Variants in AMELY observed in about 807,000 individuals in gnomAD.
AMELY encodes the protein amelogenin, Y isoform.
A neutral mutation model predicts 4.2 loss-of-function variants in AMELY; 4 were observed. The ratio of observed to expected loss-of-function variants is 0.96; its 90% CI spans 0.47 to 2.19. The LOEUF (loss-of-function observed/expected upper bound fraction) is 2.19, where lower values mean the gene tolerates loss of function less well. Ranked by LOEUF, AMELY falls within the 30% of genes most tolerant of loss-of-function variation. The pLI is 0.02. For synonymous variants in AMELY, 11 were observed against 14.7 expected, an observed-to-expected ratio of 0.75 and a Z score of 0.57; for missense variants, 32 against 41.5, an observed-to-expected ratio of 0.77 and a Z score of 0.63.
At chrY:6,885,876 G>C in intron 1 of AMELY, among the ~76,000 whole-genome samples, 1 of 34,261 alleles carries the variant, frequency 2.9e-5, no homozygotes, top group Non-Finnish European at 7.3e-5. Context: ...ACTTGATGTT[G>C]GAAGGTGGCA....
chrY:6,910,969 C>G, intron 1 of AMELY: 1 of 37,310 alleles, frequency 2.7e-5, no homozygotes, highest in African/African-American at 1.1e-4. Context: ...CACAGTTGCG[C>G]TGCTAGCGAC....
chrY:6,883,482 C>G (rs2054076593), intron 1 of AMELY, among the ~76,000 whole-genome samples: 1 of 32,417 alleles, frequency 3.1e-5, no homozygotes, highest in Non-Finnish European at 7.5e-5. Flanking sequence ...GGAGAAATAT[C>G]TAATGTAGGT....
At chrY:6,899,034 T>C in intron 1 of AMELY, among the ~76,000 whole-genome samples, 6 of 33,776 alleles carry the variant, frequency 1.8e-4, no homozygotes, top group Admixed American at 5.5e-4. Flanking sequence ...CTTCCTTTGC[T>C]GACTAGTTTC....
intron 1 of AMELY, among the ~76,000 whole-genome samples, chrY:6,883,517 C>T: frequency 3.1e-5 from 1 of 32,209 alleles, no homozygotes; most frequent in African/African-American, 1.2e-4. Context: ...TGCAAAAAAC[C>T]ATCGTGACAC....
intron 1 of AMELY, among the ~76,000 whole-genome samples, chrY:6,897,495 G>A (rs547896596): frequency 6.3e-5 from 2 of 31,668 alleles, no homozygotes; most frequent in African/African-American, 2.5e-4. Context: ...TGTCCTTGAT[G>A]GCCATCAAAC....
chrY:6,871,105 G>A (rs2054067159), intron 3 of AMELY, among the ~76,000 whole-genome samples: 2 of 32,967 alleles, frequency 6.1e-5, no homozygotes, highest in Admixed American at 5.6e-4. Context: ...TCGTAATGCC[G>A]GGACTCCTGA....
chrY:6,885,276 G>A (rs781445574), intron 1 of AMELY, among the ~76,000 whole-genome samples: 9 of 33,433 alleles, frequency 2.7e-4, no homozygotes, highest in South Asian at 6.7e-4. Context: ...TCAGGAGATC[G>A]AGACCATCCT....
Sources: gnomAD v4.1 joint callset for allele counts (sites outside exome capture counted in the v4.1 genomes callset) on GRCh38, gnomAD v4.1.1 for gene constraint, MANE v1.5 for transcripts, NCBI Gene and HGNC (gene_info 2026-07-23, HGNC 2026-07-21) for gene names.